Variants in NELL1 observed in about 807,000 individuals in gnomAD.
The protein encoded by NELL1 is protein kinase C-binding protein NELL1.
A neutral mutation model predicts 107.4 loss-of-function variants in NELL1; 76 were observed. The observed-to-expected ratio is 0.71, with a 90% confidence interval of 0.59 to 0.86. NELL1 has a LOEUF of 0.86. Ranked by LOEUF, NELL1 falls within the 40% of genes least tolerant of loss-of-function variation. NELL1 has a pLI of 0.00. For missense variants in NELL1, 1,024 were observed against 1,005.5 expected (o/e 1.02, Z -0.25); for synonymous variants, 353 against 341.2 (o/e 1.03, Z -0.38).
At chr11:21,177,024 C>T (rs1414419577) in intron 13 of NELL1, among the ~76,000 whole-genome samples, 3 of 151,586 alleles carry the variant, frequency 2.0e-5, no homozygotes, top group Non-Finnish European at 1.5e-5. Context: ...TGTCTCAATA[C>T]ATGTATACAT....
chr11:21,498,867 T>G (rs140184710), intron 15 of NELL1, among the ~76,000 whole-genome samples: 14 of 152,166 alleles, frequency 9.2e-5, no homozygotes, highest in African/African-American at 3.4e-4. Context: ...TCTTTTGTGT[T>G]TATTTGCCTT....
intron 15 of NELL1, among the ~76,000 whole-genome samples, chr11:21,420,265 C>CATT (rs753975474): frequency 2.3e-4 from 35 of 152,008 alleles, no homozygotes; most frequent in Non-Finnish European, 4.0e-4. Flanking sequence ...CTTAATAGTA[C>CATT]ATTAAATGAG....
At chr11:20,771,799 C>T (rs79443019) in intron 2 of NELL1, among the ~76,000 whole-genome samples, 96 of 152,302 alleles carry the variant, frequency 6.3e-4, no homozygotes, top group African/African-American at 2.2e-3. Context: ...GCCACAGGAG[C>T]TTACCTTTGA....
At chr11:20,696,650 T>G (rs1854625272) in intron 2 of NELL1, among the ~76,000 whole-genome samples, 1 of 152,186 alleles carries the variant, frequency 6.6e-6, no homozygotes, top group Non-Finnish European at 1.5e-5. Flanking sequence ...TGTGCCTGAT[T>G]ATGAAGTAAT....
chr11:21,398,094 C>T (rs1336169616), intron 15 of NELL1, among the ~76,000 whole-genome samples: 1 of 151,458 alleles, frequency 6.6e-6, no homozygotes, highest in African/African-American at 2.4e-5. Context: ...TACCAAGAAT[C>T]AACCTGTATT....
Position 21,558,189 on chromosome 11 carries a change from A to G in NELL1, c.1787-2000A>G, listed in dbSNP as rs1016660081. Among the ~76,000 whole-genome samples the G allele has an allele frequency of 3.3e-5, 5 of 151,994 alleles. No homozygotes were observed. The East Asian group carries it at 9.7e-4, about 30-fold the overall frequency. On this transcript the variant is annotated intron_variant, in intron 16 of 19. Transcript: ENST00000357134. ...CATTCCCTATAGGACAAGAAAAAGT[A>G]GGGAAAGAGAGAGAGTACTCTCATA...
rs968331488 is a variant in NELL1 at position 21,064,306 on chromosome 11, T to C, written c.1301-49283T>C. On this transcript the variant is annotated intron_variant, in intron 12 of 19. Transcript: ENST00000357134. Reference sequence around the variant, plus strand: ...TTTAATAAATTTACACAGGCTGCTGTGGTAAAAACGGACTATAACAAACAA... The same window carrying C: ...TTTAATAAATTTACACAGGCTGCTGCGGTAAAAACGGACTATAACAAACAA... 1.1e-4 allele frequency among the ~76,000 whole-genome samples: 16 copies of C among 152,136 alleles called. 1 individual carries two copies. Among genetic ancestry groups the C allele is most frequent in the African/African-American group, 3.4e-4 (14 of 41,436 alleles).
At chr11:20,997,508 A>G (rs1441207347) in intron 12 of NELL1, among the ~76,000 whole-genome samples, 1 of 152,180 alleles carries the variant, frequency 6.6e-6, no homozygotes, top group African/African-American at 2.4e-5. Flanking sequence ...TATGAATATA[A>G]TTTGGAGTTT....
At chr11:21,367,266 AC>A (rs1851247390) in intron 14 of NELL1, among the ~76,000 whole-genome samples, 4 of 5,404 alleles carry the variant, frequency 7.4e-4, no homozygotes, top group African/African-American at 2.4e-3. Context: ...CTTACTACAC[AC>A]ACACACACAC....
rs115964058 is a variant in NELL1, at chr11:21,028,968, G to T, written c.1300+68408G>T. Among the ~76,000 whole-genome samples the T allele has an allele frequency of 4.1e-3, 624 of 152,230 alleles. 4 individuals are homozygous for T. The highest frequency in any genetic ancestry group is 0.014 in the African/African-American group (588 of 41,538). On this transcript the variant is annotated intron_variant, in intron 12 of 19. Coordinates refer to ENST00000357134, the MANE Select transcript of NELL1 (RefSeq NM_006157.5). ...TAGTAGAAACAGATTCCCTGCCTAA[G>T]CTGTTACAACATAAGTTAAATTGGA...
chr11:21,551,380 T>G (rs1856578566), intron 16 of NELL1, among the ~76,000 whole-genome samples: 1 of 152,054 alleles, frequency 6.6e-6, no homozygotes, highest in African/African-American at 2.4e-5. Context: ...AACACTATGT[T>G]GAATAGGAAT....
At chr11:20,865,303 A>G (rs139868260) in intron 4 of NELL1, among the ~76,000 whole-genome samples, 20 of 152,346 alleles carry the variant, frequency 1.3e-4, no homozygotes, top group Non-Finnish European at 2.1e-4. Flanking sequence ...GAAAAAGGTG[A>G]CCCAGTATTT....
intron 14 of NELL1, among the ~76,000 whole-genome samples, chr11:21,330,288 T>TA (rs1850242559): frequency 6.6e-6 from 1 of 152,178 alleles, no homozygotes; most frequent in African/African-American, 2.4e-5. Flanking sequence ...ATACTGTCTT[T>TA]AAAAATTGCT....
At chr11:21,240,769 G>C (rs942259190) in intron 14 of NELL1, among the ~76,000 whole-genome samples, 14 of 148,088 alleles carry the variant, frequency 9.5e-5, no homozygotes, top group Non-Finnish European at 1.6e-4. Context: ...TTTCTAGTGG[G>C]GGGGGGGAGG....
chr11:21,532,491 TA>T (rs1856014218), intron 15 of NELL1, among the ~76,000 whole-genome samples: 1 of 152,158 alleles, frequency 6.6e-6, no homozygotes, highest in South Asian at 2.1e-4. Flanking sequence ...AAAAGGGAAG[TA>T]GATATAAACT....
chr11:21,483,931 C>T (rs1854556069), intron 15 of NELL1, among the ~76,000 whole-genome samples: 1 of 136,948 alleles, frequency 7.3e-6, no homozygotes, highest in Non-Finnish European at 1.6e-5. Context: ...TGGTTATAAC[C>T]ACCCAATATT....
At chr11:20,697,430 C>T (rs1854651081) in intron 2 of NELL1, among the ~76,000 whole-genome samples, 1 of 147,408 alleles carries the variant, frequency 6.8e-6, no homozygotes, top group Admixed American at 6.8e-5. Context: ...GAAAGTGCTA[C>T]CTTTCAGGAG....
chr11:21,549,625 T>A (rs1465630210), intron 16 of NELL1, among the ~76,000 whole-genome samples: 4 of 151,838 alleles, frequency 2.6e-5, no homozygotes, highest in Non-Finnish European at 4.4e-5. Flanking sequence ...TTCTTATTAA[T>A]GAGTACATTG....
chr11:21,027,341 TGG>T, intron 12 of NELL1, among the ~76,000 whole-genome samples: 1 of 150,924 alleles, frequency 6.6e-6, no homozygotes, highest in Non-Finnish European at 1.5e-5. Flanking sequence ...TTTAGTTTAG[TGG>T]TTTCATCTCT....
Sources: allele counts gnomAD v4.1 joint callset (sites outside exome capture counted in the v4.1 genomes callset), GRCh38; gene constraint gnomAD v4.1.1; transcripts MANE v1.5; gene names NCBI Gene and HGNC (gene_info 2026-07-23, HGNC 2026-07-21).